MBOAT1: variants seen among roughly 807,000 people sequenced by gnomAD.
MBOAT1 encodes membrane bound glycerophospholipid O-acyltransferase 1.
A neutral mutation model predicts 64.4 loss-of-function variants in MBOAT1; 67 were observed. That is an observed-to-expected ratio of 1.04 (90% CI 0.85 to 1.27). The LOEUF is 1.27. MBOAT1 is among the 50% of genes most tolerant of loss of function. The pLI is 0.00. For missense variants in MBOAT1, 563 were observed against 604.6 expected (o/e 0.93, Z 0.72); for synonymous variants, 229 against 218.9 (o/e 1.05, Z -0.41).
At chr6:20,199,879 A>G (rs1402241790) in intron 1 of MBOAT1, among the ~76,000 whole-genome samples, 3 of 152,170 alleles carry the variant, frequency 2.0e-5, no homozygotes, top group African/African-American at 7.2e-5. Context: ...GAGGCAGGAG[A>G]ATCGCTTGAA....
rs1760663918 is a variant in MBOAT1, at chr6:20,126,698, A to G, written c.533T>C (p.Val178Ala). ...TAAGTATTCCAAAAAAGAGGGTTTCACTCTGTGAAAATAAAGTAAATAAAT... is the reference window on the plus strand; with the variant it reads ...TAAGTATTCCAAAAAAGAGGGTTTCGCTCTGTGAAAATAAAGTAAATAAAT... ...SAEQHRLAIKVKPSFLEYLSY... is the reference protein window; with the variant it reads ...SAEQHRLAIKAKPSFLEYLSY... Residue 178 changes from valine (V) to alanine (A), a missense_variant and splice_region_variant, in exon 7 of 13, where the codon GTG (valine) becomes GCG (alanine). By Grantham distance (64) the Val-to-Ala change is moderately conservative (BLOSUM62 0). Coordinates refer to ENST00000324607, the MANE Select transcript of MBOAT1 (RefSeq NM_001080480.3). The G allele has an allele frequency of 1.2e-6, 2 of 1,601,310 alleles. No homozygotes were observed. The highest frequency in any genetic ancestry group is 1.7e-6 in the Non-Finnish European group (2 of 1,174,526).
At chr6:20,183,840 C>G (rs1312979326) in intron 1 of MBOAT1, among the ~76,000 whole-genome samples, 1 of 152,218 alleles carries the variant, frequency 6.6e-6, no homozygotes, top group Non-Finnish European at 1.5e-5. Context: ...ACTTACAGCT[C>G]CACATGGCTG....
chr6:20,112,453 T>G (rs952916128), intron 11 of MBOAT1, among the ~76,000 whole-genome samples: 3 of 152,188 alleles, frequency 2.0e-5, no homozygotes, highest in African/African-American at 7.2e-5. Context: ...CTCAAGAGAC[T>G]CTGTGAGTTA....
rs1173117101 is a variant in MBOAT1 at position 20,126,687 on chromosome 6, A to G, written c.544T>C (p.Phe182Leu). The change falls in exon 7 of 13, where the codon TTT (phenylalanine) becomes CTT (leucine). Residue 182 changes from phenylalanine (F) to leucine (L), a missense_variant. Coordinates refer to ENST00000324607, the MANE Select transcript of MBOAT1 (RefSeq NM_001080480.3). Reference sequence around the variant, plus strand: ...AGAAGGTAACTTAAGTATTCCAAAAAAGAGGGTTTCACTCTGTGAAAATAA... The same window carrying G: ...AGAAGGTAACTTAAGTATTCCAAAAGAGAGGGTTTCACTCTGTGAAAATAA... The part of the protein sequence containing the change: ...HRLAIKVKPS[F>L]LEYLSYLLNF... 6.2e-7 allele frequency: 1 copy of G among 1,610,384 alleles called. No individual in the cohort carries two copies. The highest frequency in any genetic ancestry group is 8.5e-7 in the Non-Finnish European group (1 of 1,178,560).
At chr6:20,196,726 T>G (rs531866346) in intron 1 of MBOAT1, among the ~76,000 whole-genome samples, 1 of 152,034 alleles carries the variant, frequency 6.6e-6, no homozygotes, top group Non-Finnish European at 1.5e-5. Flanking sequence ...CTGGGCATGA[T>G]GGTGCATGTC....
At chr6:20,146,778 GGCACC>G (rs1210714957) in intron 3 of MBOAT1, among the ~76,000 whole-genome samples, 1 of 152,178 alleles carries the variant, frequency 6.6e-6, no homozygotes, top group Non-Finnish European at 1.5e-5. Flanking sequence ...TGCCCAGGAT[GGCACC>G]AAGTGCTGAG....
rs1760659976 is a variant in MBOAT1, at chr6:20,126,607, G to A, written c.624C>T (p.Ala208=). Residue 208 remains alanine (A), a synonymous_variant, in exon 7 of 13, where the codon GCC becomes GCT. Coordinates refer to ENST00000324607, the MANE Select transcript of MBOAT1 (RefSeq NM_001080480.3). ...TGTGTATATGCTTCCCCTCAATGAA[G>A]GCTATGTAGTCCTTGAAATTGTTAC... ...GPCNNFKDYI[A]FIEGKHIHMK... The A allele has an allele frequency of 1.2e-6, 2 of 1,613,862 alleles. No individual in the cohort carries two copies. The highest frequency in any genetic ancestry group is 2.2e-5 in the East Asian group (1 of 44,872).
intron 9 of MBOAT1, among the ~76,000 whole-genome samples, chr6:20,117,839 A>G (rs1160093402): frequency 6.6e-6 from 1 of 152,228 alleles, no homozygotes; most frequent in Non-Finnish European, 1.5e-5. Context: ...GTCTACTCTG[A>G]GAGCTAGCAA....
intron 12 of MBOAT1, among the ~76,000 whole-genome samples, chr6:20,109,183 T>C (rs918356664): frequency 3.3e-5 from 5 of 152,070 alleles, no homozygotes; most frequent in East Asian, 1.9e-4. Flanking sequence ...GATCAGGCAA[T>C]GACAGCCTCA....
rs1382130746 is a variant in MBOAT1 at position 20,186,531 on chromosome 6, T to C, written c.99+25605A>G. 2.0e-5 allele frequency among the ~76,000 whole-genome samples: 3 copies of C among 152,346 alleles called. No individual in the cohort carries two copies. The South Asian group carries it at 6.2e-4, about 32-fold the overall frequency. On this transcript the variant is annotated intron_variant, in intron 1 of 12. Transcript: ENST00000324607. ...GAAGAAACTGTTGCCTTGTACCACG[T>C]TGACTAGCAAGCTCTTCCCTGGGGC...
chr6:20,112,758 C>G, intron 11 of MBOAT1, 118 bp downstream of exon 11: 2 of 1,144,766 alleles, frequency 1.7e-6, no homozygotes, highest in Non-Finnish European at 2.5e-6. Flanking sequence ...TTTGATTTTT[C>G]AAAACATCAC....
intron 1 of MBOAT1, among the ~76,000 whole-genome samples, chr6:20,186,572 T>A (rs957991662): frequency 1.3e-5 from 2 of 152,208 alleles, no homozygotes; most frequent in African/African-American, 4.8e-5. Context: ...GGTCTCTGAA[T>A]CTGGAGGGTC....
At chr6:20,109,901 A>ACT (rs1760075983) in intron 11 of MBOAT1, 152 bp from the exon 12 acceptor site, 1 of 296,680 alleles carries the variant, frequency 3.4e-6, no homozygotes, top group Non-Finnish European at 5.7e-6. Context: ...TACCATCAGG[A>ACT]CTTTTTTTTT....
chr6:20,159,728 T>C (rs1192212229), intron 1 of MBOAT1, among the ~76,000 whole-genome samples: 1 of 152,196 alleles, frequency 6.6e-6, no homozygotes, highest in East Asian at 1.9e-4. Flanking sequence ...TTCCACAATA[T>C]ACATATGTAT....
At position 20,112,886 on chromosome 6, in the gene MBOAT1, G is replaced by A; in HGVS notation, c.1199C>T (p.Ala400Val). 1 of 1,613,720 alleles carries A rather than the reference G, an allele frequency of 6.2e-7. No individual in the cohort carries two copies. The highest frequency in any genetic ancestry group is 8.5e-7 in the Non-Finnish European group (1 of 1,179,790). Residue 400 changes from alanine (A) to valine (V), a missense_variant, in exon 11 of 13, where the codon GCA becomes GTA. Physicochemically the swap from Ala to Val is moderately conservative, Grantham distance 64. Coordinates refer to ENST00000324607, the MANE Select transcript of MBOAT1 (RefSeq NM_001080480.3). ...CTAAAGCACACTTACCGCTCTAGCT[G>A]CTAATGTGACAAGAATTCCAGTTAA... Reference protein sequence around the residue: ...TFLTGILVTLAARAVRNNYRH... With the variant: ...TFLTGILVTLVARAVRNNYRH...
intron 1 of MBOAT1, among the ~76,000 whole-genome samples, chr6:20,189,883 G>C (rs1762756531): frequency 6.6e-6 from 1 of 152,134 alleles, no homozygotes; most frequent in South Asian, 2.1e-4. Context: ...GTAAGGCTAA[G>C]TAGTATTCCA....
intron 7 of MBOAT1, among the ~76,000 whole-genome samples, chr6:20,126,079 A>G (rs897767678): frequency 6.6e-6 from 1 of 152,230 alleles, no homozygotes; most frequent in African/African-American, 2.4e-5. Flanking sequence ...TAGGCATGCC[A>G]AGGTAAAACT....
chr6:20,208,866 T>C (rs1349631770), intron 1 of MBOAT1, among the ~76,000 whole-genome samples: 7 of 152,240 alleles, frequency 4.6e-5, no homozygotes, highest in Non-Finnish European at 8.8e-5. Context: ...ACTTTCCATT[T>C]CAGCTTTCAC....
Position 20,124,810 on chromosome 6 carries a change from T to G in MBOAT1, c.715-210A>C, listed in dbSNP as rs559021559. 1.2e-4 allele frequency among the ~76,000 whole-genome samples: 18 copies of G among 152,308 alleles called. 1 individual carries two copies. In the Middle Eastern group the frequency reaches 0.014, roughly 115 times the overall value. On this transcript the variant is annotated intron_variant, in intron 7 of 12. Transcript: ENST00000324607. ...TAGATACAGAACATGCCTCTGACAC[T>G]TGGGGGTTGAATGTATCTAGACTGG...
Sources: gnomAD v4.1 joint callset for allele counts (sites outside exome capture counted in the v4.1 genomes callset) on GRCh38, gnomAD v4.1.1 for gene constraint, MANE v1.5 for transcripts, NCBI Gene and HGNC (gene_info 2026-07-23, HGNC 2026-07-21) for gene names.